Variants in SERGEF observed in about 807,000 individuals in gnomAD.
SERGEF encodes the protein secretion regulating guanine nucleotide exchange factor, also known as secretion-regulating guanine nucleotide exchange factor.
SERGEF carries 51 observed loss-of-function variants against 50.0 expected under a neutral mutation model. The observed-to-expected ratio is 1.02, with a 90% CI of 0.81 to 1.29. SERGEF has a LOEUF of 1.29. Among genes scored for constraint, SERGEF ranks in the 50% most tolerant of loss-of-function variants. The pLI is 0.00. For missense variants in SERGEF, 521 were observed against 557.0 expected (o/e 0.94, Z 0.65); for synonymous variants, 205 against 212.4 (o/e 0.97, Z 0.30).
At chr11:17,795,483 C>G (rs970249850) in intron 10 of SERGEF, among the ~76,000 whole-genome samples, 3 of 152,168 alleles carry the variant, frequency 2.0e-5, no homozygotes, top group Non-Finnish European at 2.9e-5. Context: ...GAAACACAGC[C>G]TGGTCTAGGT....
chr11:17,952,010 T>G (rs1852783630), intron 9 of SERGEF, among the ~76,000 whole-genome samples: 1 of 152,164 alleles, frequency 6.6e-6, no homozygotes, highest in South Asian at 2.1e-4. Context: ...TTCCTTCCAA[T>G]CTAACCACGA....
At chr11:17,893,033 A>G (rs769038849) in intron 9 of SERGEF, among the ~76,000 whole-genome samples, 99 of 152,176 alleles carry the variant, frequency 6.5e-4, no homozygotes, top group Non-Finnish European at 1.3e-3. Context: ...CGTTTTGTCA[A>G]GTAGTATATG....
intron 9 of SERGEF, among the ~76,000 whole-genome samples, chr11:17,913,553 G>C (rs1310132633): frequency 6.6e-6 from 1 of 152,168 alleles, no homozygotes; most frequent in Non-Finnish European, 1.5e-5. Context: ...TATCTCAGAG[G>C]TAGCTTTGGG....
chr11:17,788,227 G>A lies in SERGEF; in HGVS notation c.1235C>T (p.Pro412Leu), dbSNP rs1406739649. The A allele has an allele frequency of 2.0e-5, 32 of 1,612,818 alleles. No individual in the cohort carries two copies. Among genetic ancestry groups the A allele is most frequent in the Non-Finnish European group, 2.7e-5 (32 of 1,179,072 alleles). ...LPAHPALVQD[P>L]KVTYLSPDAI... ...ATCTGGGGAAAGGTAGGTGACCTTG[G>A]GGTCCTGGACCAATGCAGGGTGAGC... Residue 412 changes from proline (P) to leucine (L), a missense_variant, in exon 11 of 11, where the codon CCC becomes CTC. By Grantham distance (98) the Pro-to-Leu change is moderately conservative. Coordinates refer to ENST00000265965, the MANE Select transcript of SERGEF (RefSeq NM_012139.4).
chr11:17,846,639 C>T (rs1301973081), intron 10 of SERGEF: 2 of 447,740 alleles, frequency 4.5e-6, no homozygotes, highest in Non-Finnish European at 9.0e-6. Context: ...AAGTCTCTCA[C>T]AGGATTCAAA....
At chr11:17,963,202 A>AAAAAG (rs1853046830) in intron 8 of SERGEF, among the ~76,000 whole-genome samples, 1 of 147,878 alleles carries the variant, frequency 6.8e-6, no homozygotes, top group Non-Finnish European at 1.5e-5. Flanking sequence ...AAAAAAAAAA[A>AAAAAG]AAAAGTCAAA....
intron 10 of SERGEF, among the ~76,000 whole-genome samples, chr11:17,861,063 A>G (rs1850918374): frequency 6.6e-6 from 1 of 152,218 alleles, no homozygotes; most frequent in Non-Finnish European, 1.5e-5. Context: ...CTTCATCCAC[A>G]AGGCTTAGCT....
At chr11:17,818,768 T>C (rs1850023733) in intron 10 of SERGEF, among the ~76,000 whole-genome samples, 1 of 152,212 alleles carries the variant, frequency 6.6e-6, no homozygotes, top group Non-Finnish European at 1.5e-5. Flanking sequence ...CCTAAGGTGA[T>C]CTTAAACTCT....
At position 17,922,025 on chromosome 11, in the gene SERGEF, C is replaced by T. The variant is rs534557367; in HGVS notation, c.1011+37445G>A. Among the ~76,000 whole-genome samples, 101 of 152,278 alleles carry T rather than the reference C, an allele frequency of 6.6e-4. 1 individual carries two copies. In the South Asian group the frequency reaches 0.021, roughly 31 times the overall value. On this transcript the variant is annotated intron_variant, in intron 9 of 10. Coordinates refer to ENST00000265965, the MANE Select transcript of SERGEF (RefSeq NM_012139.4). The stretch of plus-strand genomic sequence containing the variant: ...ATCTCAAGCCCCAGCCACCACCAAG[C>T]CTCATGGACTTGTCTCAAAGATGAG...
intron 10 of SERGEF, among the ~76,000 whole-genome samples, chr11:17,840,561 CAGTGGTAAGGTGGGGTGGCTCAG>C (rs1353330692): frequency 6.6e-6 from 1 of 152,100 alleles, no homozygotes; most frequent in Non-Finnish European, 1.5e-5. Context: ...GAACACATAG[CAGTGGTAAGGTGGGGTGGCTCAG>C]AGTGCCCAGC....
intron 9 of SERGEF, among the ~76,000 whole-genome samples, chr11:17,939,204 G>A (rs1190060169): frequency 6.6e-6 from 1 of 152,158 alleles, no homozygotes; most frequent in Non-Finnish European, 1.5e-5. Flanking sequence ...GCAGAACAAG[G>A]AGAACAAGAG....
At chr11:17,855,208 G>A (rs1054143055) in intron 10 of SERGEF, 11 of 152,178 alleles carry the variant, frequency 7.2e-5, no homozygotes, top group East Asian at 1.9e-4. Context: ...AAAGTAAAGC[G>A]GGGGAGTAGG....
At chr11:17,807,337 A>G (rs5790001) in intron 10 of SERGEF, among the ~76,000 whole-genome samples, 28 of 22,262 alleles carry the variant, frequency 1.3e-3, no homozygotes, top group East Asian at 0.012. Context: ...CTCCCCCCCC[A>G]CAAAAAAAAT....
At chr11:17,959,337 T>C (rs1477453239) in intron 9 of SERGEF, 133 bp downstream of exon 9, 1 of 769,148 alleles carries the variant, frequency 1.3e-6, no homozygotes, top group Admixed American at 3.0e-5. Flanking sequence ...ATGAGCTCCT[T>C]AGGGCAAGGA....
intron 10 of SERGEF, among the ~76,000 whole-genome samples, chr11:17,802,356 AC>A (rs1227241962): frequency 6.6e-6 from 1 of 151,858 alleles, no homozygotes; most frequent in Non-Finnish European, 1.5e-5. Context: ...TCCCTGCATG[AC>A]TATACATGTC....
chr11:17,940,620 C>G (rs1406095187), intron 9 of SERGEF, among the ~76,000 whole-genome samples: 1 of 152,080 alleles, frequency 6.6e-6, no homozygotes, highest in Non-Finnish European at 1.5e-5. Context: ...GTTGTCCAGG[C>G]TGGAGTGCAG....
chr11:18,007,048 GT>G (rs1854088971), intron 2 of SERGEF, among the ~76,000 whole-genome samples: 1 of 152,222 alleles, frequency 6.6e-6, no homozygotes, highest in Admixed American at 6.5e-5. Context: ...GCCAGGTACT[GT>G]TTTAAGAGCT....
chr11:17,985,687 T>C (rs1239362856), intron 8 of SERGEF, among the ~76,000 whole-genome samples: 3 of 152,164 alleles, frequency 2.0e-5, no homozygotes, highest in Non-Finnish European at 4.4e-5. Flanking sequence ...CAGAGAAAAG[T>C]ATTTTTCCAT....
chr11:17,859,597 G>C (rs1367018819), intron 10 of SERGEF, among the ~76,000 whole-genome samples: 2 of 151,656 alleles, frequency 1.3e-5, no homozygotes, highest in African/African-American at 4.8e-5. Flanking sequence ...ATAAATACCA[G>C]AACAATGAAT....
Sources: allele counts gnomAD v4.1 joint callset (sites outside exome capture counted in the v4.1 genomes callset), GRCh38; gene constraint gnomAD v4.1.1; transcripts MANE v1.5; gene names NCBI Gene and HGNC (gene_info 2026-07-23, HGNC 2026-07-21).